RAB11FIP5: variants seen among roughly 807,000 people sequenced by gnomAD.
RAB11FIP5 encodes rab11 family-interacting protein 5.
A neutral mutation model predicts 85.1 loss-of-function variants in RAB11FIP5; 48 were observed. That is an observed-to-expected ratio of 0.56 (90% CI 0.45 to 0.72). RAB11FIP5 has a LOEUF of 0.72. RAB11FIP5 is among the 30% of genes least tolerant of loss of function. The pLI is 0.00. For missense variants in RAB11FIP5, 1,491 were observed against 1,687.0 expected (o/e 0.88, Z 2.04); for synonymous variants, 729 against 727.3 (o/e 1.00, Z -0.04).
chr2:73,076,713 T>C (rs1037770567), intron 4 of RAB11FIP5, among the ~76,000 whole-genome samples: 1 of 152,206 alleles, frequency 6.6e-6, no homozygotes, highest in East Asian at 1.9e-4. Flanking sequence ...TACATAGCCC[T>C]GAAAAACCCT....
At chr2:73,107,894 C>A (rs1411446293) in intron 1 of RAB11FIP5, among the ~76,000 whole-genome samples, 2 of 152,188 alleles carry the variant, frequency 1.3e-5, no homozygotes, top group Non-Finnish European at 2.9e-5. Flanking sequence ...CAGAAGCCAA[C>A]AGAGAGAAGG....
Position 73,075,838 on chromosome 2 carries a change from C to A in RAB11FIP5, c.3772-114G>T. 6.9e-7 allele frequency: 1 copy of A among 1,454,082 alleles called. No homozygotes were observed. The highest frequency in any genetic ancestry group is 9.4e-7 in the Non-Finnish European group (1 of 1,067,332). The allele number at this position is 1,454,082 out of a possible 1,614,324, so 90.1% of individuals were successfully genotyped here. On this transcript the variant is annotated intron_variant, in intron 5 of 5. Coordinates refer to ENST00000486777, the MANE Select transcript of RAB11FIP5 (RefSeq NM_001371272.1). The surrounding 1 kb of genome is among the most constrained non-coding windows in gnomAD (Gnocchi z 4.6). ...CACCTAAGTTTCACCACCACAGGGCCCCAGGCTGCCTGTCTCCAAAGTCAG... is the reference window on the plus strand; with the variant it reads ...CACCTAAGTTTCACCACCACAGGGCACCAGGCTGCCTGTCTCCAAAGTCAG...
At position 73,088,297 on chromosome 2, in the gene RAB11FIP5, C is replaced by G. The variant is rs1574297247; in HGVS notation, c.1321G>C (p.Val441Leu). Reference sequence around the variant, plus strand: ...TCTGCCACAGCCTCAGAGGAGGCCACTATGGGTGTGGCAACCTGGACTGGC... The same window carrying G: ...TCTGCCACAGCCTCAGAGGAGGCCAGTATGGGTGTGGCAACCTGGACTGGC... The part of the protein sequence containing the change: ...GKPVQVATPI[V>L]ASSEAVAEKE... The change falls in exon 3 of 6, where the codon GTG becomes CTG. Residue 441 changes from valine (V) to leucine (L), a missense_variant. Coordinates refer to ENST00000486777, the MANE Select transcript of RAB11FIP5 (RefSeq NM_001371272.1). The G allele has an allele frequency of 1.2e-6, 2 of 1,613,976 alleles. No homozygotes were observed. The highest frequency in any genetic ancestry group is 2.7e-5 in the African/African-American group (2 of 75,062).
chr2:73,075,279 A>G lies in RAB11FIP5; in HGVS notation c.*242T>C, dbSNP rs543775175. The G allele has an allele frequency of 3.7e-5, 26 of 699,734 alleles. No homozygotes were observed. Among genetic ancestry groups the G allele is most frequent in the African/African-American group, 3.0e-4 (17 of 57,318 alleles). 43.3% of individuals were successfully genotyped at this position (699,734 alleles called of 1,614,324 possible). A position where few individuals can be genotyped will look rare whatever the true frequency, so the allele number is the denominator to read the frequency against. ...GGCCCCCAAAGCTGAGGGATATGAA[A>G]ACAGGCAGGTGGGAAAGACCCAGGG... On this transcript the variant is annotated 3_prime_UTR_variant, in exon 6 of 6. Transcript: ENST00000486777. This position sits in a 1 kb window ranked among gnomAD's most constrained non-coding sequence, Gnocchi z 4.6.
At chr2:73,110,089 C>G (rs1010093243) in intron 1 of RAB11FIP5, among the ~76,000 whole-genome samples, 5 of 152,346 alleles carry the variant, frequency 3.3e-5, no homozygotes, top group East Asian at 1.9e-4. Context: ...CCCTTCCTAA[C>G]CATAAGGGTA....
At chr2:73,085,187 C>G (rs1348044939) in intron 3 of RAB11FIP5, among the ~76,000 whole-genome samples, 3 of 152,168 alleles carry the variant, frequency 2.0e-5, no homozygotes. Context: ...GCTCCTTCCG[C>G]TGCCACAGCA....
At chr2:73,088,004 C>G (rs771534256) in intron 3 of RAB11FIP5, 46 bp downstream of exon 3, 33 of 1,532,306 alleles carry the variant, frequency 2.2e-5, no homozygotes, top group Middle Eastern at 1.8e-4. Context: ...AGCACACACC[C>G]CAGCATCCTC....
chr2:73,087,387 A>G (rs1054767852), intron 3 of RAB11FIP5, among the ~76,000 whole-genome samples: 3 of 152,224 alleles, frequency 2.0e-5, no homozygotes, highest in African/African-American at 7.2e-5. Context: ...TGCCACCAGC[A>G]CTTCCCACGG....
chr2:73,077,905 C>A (rs1324948456), intron 4 of RAB11FIP5, among the ~76,000 whole-genome samples: 1 of 152,218 alleles, frequency 6.6e-6, no homozygotes, highest in African/African-American at 2.4e-5. Context: ...GAGTAGAAAG[C>A]AAAATGGCTT....
chr2:73,081,553 A>G lies in RAB11FIP5; in HGVS notation c.1679T>C (p.Met560Thr). ...PPTPAPTAAP[M>T]LSTNLFAAAS... ...GGCTGCAAAAAGGTTAGTGCTTAGC[A>G]TGGGAGCAGCAGTGGGAGCAGGAGT... Residue 560 changes from methionine to threonine, a missense_variant, in exon 4 of 6, where the codon ATG becomes ACG. Physicochemically the swap from Met to Thr is moderately conservative, Grantham distance 81. This residue lies in a region of RAB11FIP5 where 1,211 missense variants were observed against 1,338.0 expected (regional missense o/e 0.91). Coordinates refer to ENST00000486777, the MANE Select transcript of RAB11FIP5 (RefSeq NM_001371272.1). The surrounding 1 kb of genome is among the most constrained non-coding windows in gnomAD (Gnocchi z 4.2). 1 of 1,210,708 alleles carries G rather than the reference A, an allele frequency of 8.3e-7. No homozygotes were observed. Among genetic ancestry groups the G allele is most frequent in the Non-Finnish European group, 1.0e-6 (1 of 968,300 alleles). The allele number at this position is 1,210,708 out of a possible 1,614,324, so 75.0% of individuals were successfully genotyped here.
Position 73,074,985 on chromosome 2 carries a change from T to C in RAB11FIP5, c.*536A>G, listed in dbSNP as rs1342509565. The C allele has an allele frequency of 2.8e-6, 1 of 353,472 alleles. No individual in the cohort carries two copies. Among genetic ancestry groups the C allele is most frequent in the Non-Finnish European group, 5.6e-6 (1 of 179,490 alleles). 21.9% of individuals were successfully genotyped at this position (353,472 alleles called of 1,614,324 possible). On this transcript the variant is annotated 3_prime_UTR_variant, in exon 6 of 6. Transcript: ENST00000486777. The stretch of plus-strand genomic sequence containing the variant: ...GGCCCAGACCACACAGGCTTCTTGC[T>C]CTCAGGGGAATGGGTGTGAGGCTGA...
intron 1 of RAB11FIP5, among the ~76,000 whole-genome samples, chr2:73,091,758 A>G (rs1684215201): frequency 6.6e-6 from 1 of 152,150 alleles, no homozygotes; most frequent in Non-Finnish European, 1.5e-5. Context: ...AGAGCCCATC[A>G]TGACGAAATC....
At chr2:73,101,851 G>A (rs1433617149) in intron 1 of RAB11FIP5, among the ~76,000 whole-genome samples, 1 of 152,188 alleles carries the variant, frequency 6.6e-6, no homozygotes, top group Non-Finnish European at 1.5e-5. Context: ...GAGTCGGCGA[G>A]ATCCCACCCA....
chr2:73,080,392 G>T lies in RAB11FIP5; in HGVS notation c.2840C>A (p.Pro947Gln). 8.1e-7 allele frequency: 1 copy of T among 1,233,086 alleles called. No individual in the cohort carries two copies. Among genetic ancestry groups the T allele is most frequent in the Non-Finnish European group, 1.0e-6 (1 of 988,424 alleles). The allele number at this position is 1,233,086 out of a possible 1,614,324, so 76.4% of individuals were successfully genotyped here. The change falls in exon 4 of 6, where the codon CCG becomes CAG. Residue 947 changes from proline to glutamine, a missense_variant. Pro to Gln is a moderately conservative substitution (Grantham distance 76). Around this residue, in one of 3 missense-constraint regions of RAB11FIP5, gnomAD observed 1,211 missense variants for 1,338.0 expected, o/e 0.91. Coordinates refer to ENST00000486777, the MANE Select transcript of RAB11FIP5 (RefSeq NM_001371272.1). The part of the protein sequence containing the change: ...ASPSALVVGP[P>Q]ETKEEGEKRE... ...CTTCTCTCCCTCCTCCTTGGTCTCC[G>T]GGGGACCGACAACCAGTGCACTTGG...
chr2:73,094,838 G>T (rs1032815642), intron 1 of RAB11FIP5, among the ~76,000 whole-genome samples: 1 of 152,092 alleles, frequency 6.6e-6, no homozygotes, highest in African/African-American at 2.4e-5. Flanking sequence ...CCAGGAGGGG[G>T]TAAGTTACCA....
chr2:73,109,216 C>A (rs1333723345), intron 1 of RAB11FIP5, among the ~76,000 whole-genome samples: 2 of 152,112 alleles, frequency 1.3e-5, no homozygotes, highest in Non-Finnish European at 2.9e-5. Context: ...TTGAGAATAT[C>A]CTCTTCAATT....
chr2:73,080,232 A>T lies in RAB11FIP5; in HGVS notation c.3000T>A (p.Gly1000=), dbSNP rs1422661523. Residue 1000 remains glycine, a synonymous_variant, in exon 4 of 6, where the codon GGT becomes GGA. Coordinates refer to ENST00000486777, the MANE Select transcript of RAB11FIP5 (RefSeq NM_001371272.1). The stretch of plus-strand genomic sequence containing the variant: ...TTGAGTGACAGGGTATGGGGGCAGG[A>T]CCCTCAGGGCAGCTGGCGGGTGCAG... ...CLSAPASCPE[G]PAPIPCHSKS... 1 of 1,232,484 alleles carries T rather than the reference A, an allele frequency of 8.1e-7. No individual in the cohort carries two copies. Among genetic ancestry groups the T allele is most frequent in the Non-Finnish European group, 1.0e-6 (1 of 988,450 alleles). 76.3% of individuals were successfully genotyped at this position (1,232,484 alleles called of 1,614,324 possible).
At chr2:73,079,344 T>C (rs1488523615) in intron 4 of RAB11FIP5, among the ~76,000 whole-genome samples, 1 of 152,148 alleles carries the variant, frequency 6.6e-6, no homozygotes, top group East Asian at 1.9e-4. Context: ...TCTCCTTCCC[T>C]GCCAGCCCAC....
rs1450873045 is a variant in RAB11FIP5 at position 73,074,898 on chromosome 2, C to T, written c.*623G>A. ...AGCACACACATCATCCACCACTGTC[C>T]ACATGGCACTCGCCCCACAAACAGC... On this transcript the variant is annotated 3_prime_UTR_variant, in exon 6 of 6. Coordinates refer to ENST00000486777, the MANE Select transcript of RAB11FIP5 (RefSeq NM_001371272.1). 5 of 316,744 alleles carry T rather than the reference C, an allele frequency of 1.6e-5. No individual in the cohort carries two copies. Among genetic ancestry groups the T allele is most frequent in the Non-Finnish European group, 3.1e-5 (5 of 160,650 alleles). 19.6% of individuals were successfully genotyped at this position (316,744 alleles called of 1,614,324 possible).
Sources: gnomAD v4.1 joint callset for allele counts (sites outside exome capture counted in the v4.1 genomes callset) on GRCh38, gnomAD v4.1.1 for gene constraint, gnomAD v4.1.1 regional missense constraint, Gnocchi (gnomAD v3.1) non-coding constraint, MANE v1.5 for transcripts, NCBI Gene and HGNC (gene_info 2026-07-23, HGNC 2026-07-21) for gene names.